The following MARCHF1 variants were observed in gnomAD, a reference collection of about 807,000 sequenced individuals.
MARCHF1 encodes the protein E3 ubiquitin-protein ligase MARCHF1.
MARCHF1 carries 40 observed loss-of-function variants against 54.2 expected under a neutral mutation model. That is an observed-to-expected ratio of 0.74 (90% CI 0.57 to 0.96). MARCHF1 has a LOEUF of 0.96. Ranked by LOEUF, MARCHF1 falls within the 40% of genes least tolerant of loss-of-function variation. MARCHF1 has a pLI of 0.00. For synonymous variants in MARCHF1, 236 were observed against 236.3 expected (o/e 1.00, Z 0.01); for missense variants, 586 against 656.5 (o/e 0.89, Z 1.17).
chr4:163,975,835 T>G (rs1752638760), intron 3 of MARCHF1, among the ~76,000 whole-genome samples: 1 of 152,178 alleles, frequency 6.6e-6, no homozygotes, highest in African/African-American at 2.4e-5. Context: ...ACTTTGGGTA[T>G]TACTTTTTTC....
intron 1 of MARCHF1, among the ~76,000 whole-genome samples, chr4:164,206,851 G>A (rs935895602): frequency 4.0e-5 from 6 of 151,722 alleles, no homozygotes; most frequent in Non-Finnish European, 7.4e-5. Context: ...TTTAATAATT[G>A]TAAATCAATA....
intron 1 of MARCHF1, among the ~76,000 whole-genome samples, chr4:164,112,888 A>C (rs1755863193): frequency 6.7e-6 from 1 of 149,940 alleles, no homozygotes; most frequent in Non-Finnish European, 1.5e-5. Flanking sequence ...TATTATTTCC[A>C]CTTTCGCTGT....
intron 4 of MARCHF1, among the ~76,000 whole-genome samples, chr4:163,836,966 A>G (rs1749207065): frequency 6.6e-6 from 1 of 152,158 alleles, no homozygotes; most frequent in African/African-American, 2.4e-5. Flanking sequence ...CGTATATAAT[A>G]CAGGACTGAA....
At chr4:164,313,444 T>G (rs756437144) in intron 1 of MARCHF1, among the ~76,000 whole-genome samples, 4 of 151,502 alleles carry the variant, frequency 2.6e-5, no homozygotes, top group Non-Finnish European at 5.9e-5. Flanking sequence ...CCTCCCAATA[T>G]CTAAGCTTAT....
intron 1 of MARCHF1, among the ~76,000 whole-genome samples, chr4:164,148,405 T>G (rs1332659839): frequency 2.6e-5 from 4 of 152,196 alleles, no homozygotes; most frequent in Non-Finnish European, 4.4e-5. Context: ...CTGCTAATGA[T>G]GGCCAGCCAT....
At chr4:164,000,806 AAAC>A (rs1161402590) in intron 2 of MARCHF1, among the ~76,000 whole-genome samples, 9 of 151,804 alleles carry the variant, frequency 5.9e-5, no homozygotes, top group East Asian at 1.9e-4. Flanking sequence ...TTTCATAGAA[AAAC>A]AACCACCTAA....
chr4:164,146,968 A>G lies in MARCHF1; in HGVS notation c.-322-35306T>C, dbSNP rs866227235. ...CCAGAATCTACAATGAACTCAAACA[A>G]ATTTACAAGAAAAAAACAAACAACC... On this transcript the variant is annotated intron_variant, in intron 1 of 9. Coordinates refer to ENST00000514618, the MANE Select transcript of MARCHF1 (RefSeq NM_001394959.1). 5.7e-3 allele frequency among the ~76,000 whole-genome samples: 860 copies of G among 151,228 alleles called. 9 individuals are homozygous for G. Among genetic ancestry groups the G allele is most frequent in the African/African-American group, 0.02 (821 of 41,074 alleles).
At chr4:164,126,784 C>T (rs920534574) in intron 1 of MARCHF1, among the ~76,000 whole-genome samples, 2 of 152,144 alleles carry the variant, frequency 1.3e-5, no homozygotes, top group Non-Finnish European at 2.9e-5. Context: ...GAGGACTGCG[C>T]AGTGGCTCAT....
chr4:164,196,075 A>G (rs1731247195), intron 1 of MARCHF1, among the ~76,000 whole-genome samples: 1 of 152,182 alleles, frequency 6.6e-6, no homozygotes, highest in Non-Finnish European at 1.5e-5. Context: ...GCATTTAATT[A>G]CTAGTCTTCA....
At chr4:164,376,296 A>G (rs528952215) in intron 1 of MARCHF1, among the ~76,000 whole-genome samples, 2 of 152,356 alleles carry the variant, frequency 1.3e-5, no homozygotes, top group African/African-American at 4.8e-5. Context: ...ATTTGTAAAG[A>G]AAGTATCTCT....
intron 3 of MARCHF1, among the ~76,000 whole-genome samples, chr4:163,886,490 A>T (rs1244030032): frequency 6.6e-6 from 1 of 152,108 alleles, no homozygotes; most frequent in Non-Finnish European, 1.5e-5. Flanking sequence ...TTGTAAAAAA[A>T]ATACTGGTGC....
chr4:164,277,412 A>G (rs910862423), intron 1 of MARCHF1, among the ~76,000 whole-genome samples: 2 of 152,258 alleles, frequency 1.3e-5, no homozygotes, highest in African/African-American at 4.8e-5. Flanking sequence ...TTCCTGCAGA[A>G]TGCAGACACT....
intron 3 of MARCHF1, among the ~76,000 whole-genome samples, chr4:163,893,709 G>A (rs1750714751): frequency 6.6e-6 from 1 of 152,108 alleles, no homozygotes; most frequent in Admixed American, 6.6e-5. Flanking sequence ...ACACATAGAT[G>A]AAGCTTAAAA....
chr4:163,633,695 T>C (rs1742195952), intron 5 of MARCHF1, among the ~76,000 whole-genome samples: 1 of 152,040 alleles, frequency 6.6e-6, no homozygotes, highest in Non-Finnish European at 1.5e-5. Context: ...CAGGAGAACT[T>C]CCCCAATCTA....
intron 7 of MARCHF1, among the ~76,000 whole-genome samples, chr4:163,593,838 T>A (rs974097037): frequency 2.0e-5 from 3 of 152,232 alleles, no homozygotes; most frequent in South Asian, 4.1e-4. Context: ...TCCAACCACA[T>A]TGAGTGAAGA....
At chr4:163,636,274 G>A (rs1043454971) in intron 5 of MARCHF1, among the ~76,000 whole-genome samples, 3 of 149,922 alleles carry the variant, frequency 2.0e-5, no homozygotes, top group Non-Finnish European at 3.0e-5. Context: ...GAAATAAAGG[G>A]TATTCAATTA....
At chr4:163,532,742 T>C (rs116252161) in intron 9 of MARCHF1, among the ~76,000 whole-genome samples, 1 of 152,044 alleles carries the variant, frequency 6.6e-6, no homozygotes, top group South Asian at 2.1e-4. Context: ...ATGTCATCAA[T>C]GAAGATAAAC....
chr4:163,928,135 C>G (rs980878406), intron 3 of MARCHF1, among the ~76,000 whole-genome samples: 8 of 151,824 alleles, frequency 5.3e-5, no homozygotes, highest in Non-Finnish European at 7.4e-5. Flanking sequence ...TAATTCTCTA[C>G]AGTAGAAAAA....
chr4:163,767,090 C>T (rs1313839162), intron 4 of MARCHF1, among the ~76,000 whole-genome samples: 5 of 106,342 alleles, frequency 4.7e-5, no homozygotes, highest in African/African-American at 1.1e-4. Context: ...GATAAGGATA[C>T]GGCGATGTAA....
Sources: gnomAD v4.1 joint callset for allele counts (sites outside exome capture counted in the v4.1 genomes callset) on GRCh38, gnomAD v4.1.1 for gene constraint, MANE v1.5 for transcripts, NCBI Gene and HGNC (gene_info 2026-07-23, HGNC 2026-07-21) for gene names.